Variants in FIBCD1 observed in about 807,000 individuals in gnomAD.
FIBCD1 encodes the protein fibrinogen C domain-containing protein 1.
FIBCD1 carries 47 observed loss-of-function variants against 45.1 expected under a neutral mutation model. That is an observed-to-expected ratio of 1.04 (90% CI 0.82 to 1.33). The LOEUF (loss-of-function observed/expected upper bound fraction) is 1.33, where lower values mean the gene tolerates loss of function less well. FIBCD1 is among the 40% of genes most tolerant of loss of function. FIBCD1 has a pLI of 0.00. For missense variants in FIBCD1, 653 were observed against 682.2 expected (o/e 0.96, Z 0.48); for synonymous variants, 313 against 308.1 (o/e 1.02, Z -0.17).
At chr9:130,917,420 G>A (rs1832184196) in intron 4 of FIBCD1, among the ~76,000 whole-genome samples, 1 of 152,236 alleles carries the variant, frequency 6.6e-6, no homozygotes, top group South Asian at 2.1e-4. Flanking sequence ...GTGCTGGGCG[G>A]GTTCAAAGGA....
At chr9:130,930,632 G>T (rs940388864) in intron 1 of FIBCD1, 2 of 414,468 alleles carry the variant, frequency 4.8e-6, no homozygotes, top group African/African-American at 4.1e-5. Context: ...TCACCTGTGT[G>T]TGTGGCCGTG....
At chr9:130,912,447 C>T (rs1407934252) in intron 4 of FIBCD1, among the ~76,000 whole-genome samples, 2 of 149,220 alleles carry the variant, frequency 1.3e-5, no homozygotes, top group Non-Finnish European at 3.0e-5. Flanking sequence ...TGACTCCCGC[C>T]TGTAATCCCA....
intron 2 of FIBCD1, 111 bp from the exon 3 acceptor site, chr9:130,924,507 T>C: frequency 2.7e-6 from 3 of 1,096,628 alleles, no homozygotes; most frequent in Non-Finnish European, 3.8e-6. Context: ...AGAGGTGGGC[T>C]TCTGGCTCAA....
intron 1 of FIBCD1, chr9:130,930,626 CTG>C (rs984676138): frequency 2.2e-5 from 9 of 408,610 alleles, no homozygotes; most frequent in Non-Finnish European, 4.0e-5. Context: ...CCACGGTCAC[CTG>C]TGTGTGTGGC....
chr9:130,939,767 T>G (rs1832588377), upstream of FIBCD1, among the ~76,000 whole-genome samples: 1 of 151,980 alleles, frequency 6.6e-6, no homozygotes, highest in Non-Finnish European at 1.5e-5. Flanking sequence ...TAGTTGCCCC[T>G]TCCCACCAGC....
At chr9:130,916,218 C>T (rs79086868) in intron 4 of FIBCD1, among the ~76,000 whole-genome samples, 18,161 of 152,254 alleles carry the variant, frequency 0.12, 1,121 homozygotes, top group Admixed American at 0.14. Context: ...CGTGAGCCAC[C>T]GCGCCCAGCC....
rs1831888159 is a variant in FIBCD1 at position 130,904,320 on chromosome 9, T to A, written c.1130A>T (p.Asp377Val). ...TVADYSGTAG[D>V]SLLKHSGMRF... ...CATGCCGCTGTGCTTCAGGAGGGAG[T>A]CGCCTGCGCAGGGGTGCACACAGGT... Residue 377 changes from aspartate (D) to valine (V), a missense_variant, in exon 7 of 7, where the codon GAC becomes GTC. Physicochemically the swap from Asp to Val is radical, Grantham distance 152. Coordinates refer to ENST00000372338, the MANE Select transcript of FIBCD1 (RefSeq NM_032843.5). 6.2e-7 allele frequency: 1 copy of A among 1,605,042 alleles called. No homozygotes were observed. The highest frequency in any genetic ancestry group is 8.5e-7 in the Non-Finnish European group (1 of 1,174,608).
intron 4 of FIBCD1, 35 bp downstream of exon 4, chr9:130,923,708 GC>G (rs1229973518): frequency 1.2e-6 from 2 of 1,606,196 alleles, no homozygotes; most frequent in Non-Finnish European, 1.7e-6. Flanking sequence ...GGTCCCCGGT[GC>G]CTGCCCTGCC....
chr9:130,928,744 C>A (rs1203823823), intron 2 of FIBCD1, among the ~76,000 whole-genome samples: 1 of 151,990 alleles, frequency 6.6e-6, no homozygotes, highest in Non-Finnish European at 1.5e-5. Context: ...GAACGTGGCA[C>A]AGGGCCAGGG....
intron 5 of FIBCD1, 123 bp from the exon 6 acceptor site, chr9:130,905,536 C>G (rs1201246527): frequency 9.9e-7 from 1 of 1,010,398 alleles, no homozygotes; most frequent in Non-Finnish European, 1.4e-6. Context: ...CCACCAAGTG[C>G]GTGCAATCAG....
intron 4 of FIBCD1, among the ~76,000 whole-genome samples, chr9:130,913,347 C>G (rs1216009036): frequency 6.6e-6 from 1 of 152,260 alleles, no homozygotes; most frequent in Non-Finnish European, 1.5e-5. Context: ...TGTTAGAGAT[C>G]TGGCTGCGGC....
intron 5 of FIBCD1, among the ~76,000 whole-genome samples, chr9:130,911,528 G>A (rs1003085579): frequency 6.6e-6 from 1 of 152,262 alleles, no homozygotes; most frequent in African/African-American, 2.4e-5. Flanking sequence ...ACCCCGGCAG[G>A]AAGTGGCCTC....
In FIBCD1 at chr9:130,918,578, G is replaced by A. The variant is rs1446457477; in HGVS notation, c.849+5166C>T. Among the ~76,000 whole-genome samples the A allele has an allele frequency of 2.0e-5, 3 of 152,252 alleles. No homozygotes were observed. The South Asian group carries it at 6.2e-4, about 31-fold the overall frequency. On this transcript the variant is annotated intron_variant, in intron 4 of 6. Coordinates refer to ENST00000372338, the MANE Select transcript of FIBCD1 (RefSeq NM_032843.5). ...CTGATCAGGTGATTCTGGGAGGGGG[G>A]CAGAGGGGTCCTGGCAGAGGAGGAT...
At chr9:130,919,092 C>T (rs907254709) in intron 4 of FIBCD1, among the ~76,000 whole-genome samples, 8 of 152,236 alleles carry the variant, frequency 5.3e-5, no homozygotes, top group Non-Finnish European at 2.9e-5. Flanking sequence ...TGGCACAGCA[C>T]TGCCAAGCTG....
rs777404903 is a variant in FIBCD1, at chr9:130,923,754, C to T, written c.839G>A (p.Gly280Asp). 1.9e-6 allele frequency: 3 copies of T among 1,612,212 alleles called. No individual in the cohort carries two copies. The highest frequency in any genetic ancestry group is 2.5e-6 in the Non-Finnish European group (3 of 1,179,848). ...QVYCDMRTDGGGWTVFQRRED... is the reference protein window; with the variant it reads ...QVYCDMRTDGDGWTVFQRRED... Reference sequence around the variant, plus strand: ...GCCTGGGACACTCACCGTCCAGCCGCCGCCGTCCGTGCGCATGTCACAGTA... The same window carrying T: ...GCCTGGGACACTCACCGTCCAGCCGTCGCCGTCCGTGCGCATGTCACAGTA... Residue 280 changes from glycine (G) to aspartate (D), a missense_variant, in exon 4 of 7, where the codon GGC (glycine) becomes GAC (aspartate). Coordinates refer to ENST00000372338, the MANE Select transcript of FIBCD1 (RefSeq NM_032843.5).
intron 2 of FIBCD1, 45 bp downstream of exon 2, chr9:130,929,522 C>T (rs755477164): frequency 1.3e-6 from 2 of 1,486,866 alleles, no homozygotes; most frequent in South Asian, 1.4e-5. Flanking sequence ...GCAGCACCAA[C>T]CCCTCGCCTC....
rs752274286 is a variant in FIBCD1, at chr9:130,929,943, G to A, written c.176C>T (p.Ala59Val). ...GAVLFLNHAH[A>V]PGTAPPPVVS... Reference sequence around the variant, plus strand: ...GACAGGTGGGGGCGCCGTGCCCGGCGCGTGGGCGTGGTTCAGGAAGAGCAC... The same window carrying A: ...GACAGGTGGGGGCGCCGTGCCCGGCACGTGGGCGTGGTTCAGGAAGAGCAC... Residue 59 changes from alanine to valine, a missense_variant, in exon 2 of 7, where the codon GCG (alanine) becomes GTG (valine). Ala to Val is a moderately conservative substitution (Grantham distance 64, BLOSUM62 0). Coordinates refer to ENST00000372338, the MANE Select transcript of FIBCD1 (RefSeq NM_032843.5). 84 of 1,549,052 alleles carry A rather than the reference G, an allele frequency of 5.4e-5. 1 individual carries two copies. Among genetic ancestry groups the A allele is most frequent in the South Asian group, 5.2e-4 (44 of 83,874 alleles).
intron 4 of FIBCD1, among the ~76,000 whole-genome samples, chr9:130,918,811 C>A (rs1433228931): frequency 6.6e-6 from 1 of 152,218 alleles, no homozygotes; most frequent in Non-Finnish European, 1.5e-5. Flanking sequence ...CTCTCACAGG[C>A]CACGTGACCT....
At chr9:130,935,754 G>A (rs1446095010) in intron 1 of FIBCD1, among the ~76,000 whole-genome samples, 1 of 152,178 alleles carries the variant, frequency 6.6e-6, no homozygotes, top group Non-Finnish European at 1.5e-5. Flanking sequence ...GAAGACCCAG[G>A]TTTGAGTCCC....
Sources: gnomAD v4.1 joint callset for allele counts (sites outside exome capture counted in the v4.1 genomes callset) on GRCh38, gnomAD v4.1.1 for gene constraint, MANE v1.5 for transcripts, NCBI Gene and HGNC (gene_info 2026-07-23, HGNC 2026-07-21) for gene names.